TEX10: variants seen among roughly 807,000 people sequenced by gnomAD.
TEX10 encodes testis-expressed protein 10.
Under a neutral mutation model 104.4 loss-of-function variants are expected in TEX10, and 24 were observed. The observed-to-expected ratio is 0.23, with a 90% confidence interval of 0.17 to 0.32. The LOEUF (loss-of-function observed/expected upper bound fraction) is 0.32, where lower values mean the gene tolerates loss of function less well. Among genes scored for constraint, TEX10 ranks in the 10% least tolerant of loss-of-function variants. The probability of loss-of-function intolerance (pLI) is 1.00; values close to 1 mark genes in which losing one functional copy is unlikely to be tolerated. For missense variants in TEX10, 921 were observed against 1,083.9 expected (o/e 0.85, Z 2.11); for synonymous variants, 396 against 393.4 (o/e 1.01, Z -0.08).
intron 2 of TEX10, 149 bp downstream of exon 2, chr9:100,349,035 G>A (rs113404780): frequency 3.5e-4 from 188 of 534,830 alleles, no homozygotes; most frequent in African/African-American, 3.3e-3. Flanking sequence ...GAGATCTTTG[G>A]GTAAAAGATA....
rs377637179 is a variant in TEX10, at chr9:100,327,833, A to C, written c.1755T>G (p.Asn585Lys). ...DIIHTAAARA[N>K]KELLKSLQAT... ...CTTGTAAACTTTTTAGTAATTCTTT[A>C]TTTGCTCGTGCTGCAGCGGTATGAA... Residue 585 changes from asparagine (N) to lysine (K), a missense_variant, in exon 8 of 15, where the codon AAT becomes AAG. Around this residue, in one of 3 missense-constraint regions of TEX10, gnomAD observed 753 missense variants for 868.4 expected, o/e 0.87. Transcript: ENST00000374902. 2.5e-6 allele frequency: 4 copies of C among 1,598,028 alleles called. No homozygotes were observed. In the South Asian group the frequency reaches 4.5e-5, roughly 18 times the overall value.
rs1554734919 is a variant in TEX10 at position 100,316,910 on chromosome 9, A to AAAC, written c.2202+3354_2202+3355insGTT. Among the ~76,000 whole-genome samples the AAAC allele has an allele frequency of 9.2e-3, 1,342 of 145,972 alleles. 14 individuals carry two copies. Among genetic ancestry groups the AAAC allele is most frequent in the Admixed American group, 0.013 (197 of 14,618 alleles). On this transcript the variant is annotated intron_variant, in intron 11 of 14. Transcript: ENST00000374902. Reference sequence around the variant, plus strand: ...TATAATAGCTAAAAAAAAAAAAAAAAAAAAAACCTAGGAATATATTTAACC... The same window carrying AAAC: ...TATAATAGCTAAAAAAAAAAAAAAAAAACAAAAAACCTAGGAATATATTTAACC...
At chr9:100,349,478 T>A in intron 1 of TEX10, 106 bp from the exon 2 acceptor site, 5 of 674,876 alleles carry the variant, frequency 7.4e-6, no homozygotes, top group Non-Finnish European at 1.1e-5. Context: ...TCAATCGTAA[T>A]CAAGAATCTG....
chr9:100,315,155 G>A (rs1470589687), intron 11 of TEX10, among the ~76,000 whole-genome samples: 2 of 152,190 alleles, frequency 1.3e-5, no homozygotes, highest in East Asian at 3.9e-4. Flanking sequence ...AATTTGTTGG[G>A]ACTTGTTGTG....
intron 10 of TEX10, 51 bp from the exon 11 acceptor site, chr9:100,320,449 C>A (rs1834538698): frequency 6.5e-7 from 1 of 1,528,482 alleles, no homozygotes; most frequent in South Asian, 1.3e-5. Flanking sequence ...AAACAAAAAA[C>A]AATGACTTTC....
intron 11 of TEX10, among the ~76,000 whole-genome samples, chr9:100,319,129 T>C (rs1255135234): frequency 6.6e-6 from 1 of 151,142 alleles, no homozygotes; most frequent in African/African-American, 2.4e-5. Flanking sequence ...GAGACGGAGG[T>C]TGCAGTGAGC....
chr9:100,335,402 C>T (rs1369591957), intron 5 of TEX10, among the ~76,000 whole-genome samples: 3 of 152,048 alleles, frequency 2.0e-5, no homozygotes, highest in South Asian at 2.1e-4. Flanking sequence ...TGGGTTTCAC[C>T]GTGTTAGCCA....
rs187947365 is a variant in TEX10, at chr9:100,313,911, A to G, written c.2203-3532T>C. ...CCTTCTTTTCTCAGCGTGTCCCTGT[A>G]TGGTTTTGGTATCACGTGATACTGG... is the stretch of plus-strand genomic sequence containing the variant. On this transcript the variant is annotated intron_variant, in intron 11 of 14. Transcript: ENST00000374902. Among the ~76,000 whole-genome samples, 112 of 151,104 alleles carry G rather than the reference A, an allele frequency of 7.4e-4. No individual in the cohort carries two copies. The East Asian group carries it at 0.015, about 20-fold the overall frequency.
chr9:100,318,934 G>A (rs1349880504), intron 11 of TEX10, among the ~76,000 whole-genome samples: 1 of 152,186 alleles, frequency 6.6e-6, no homozygotes, highest in East Asian at 1.9e-4. Flanking sequence ...GCTCACACCT[G>A]TAATCTCAGC....
chr9:100,319,053 G>A (rs1365766796), intron 11 of TEX10, among the ~76,000 whole-genome samples: 1 of 151,952 alleles, frequency 6.6e-6, no homozygotes, highest in Non-Finnish European at 1.5e-5. Flanking sequence ...TTAGCCAGGA[G>A]TAGTGGCGGG....
chr9:100,330,982 A>G (rs1226889728), intron 5 of TEX10, among the ~76,000 whole-genome samples: 1 of 152,172 alleles, frequency 6.6e-6, no homozygotes, highest in Non-Finnish European at 1.5e-5. Context: ...AAAGCCAGGC[A>G]TGGGAGCTCA....
intron 13 of TEX10, 118 bp downstream of exon 13, chr9:100,308,382 C>T: frequency 3.7e-6 from 3 of 804,792 alleles, no homozygotes; most frequent in Middle Eastern, 4.2e-4. Context: ...CACAAACTCT[C>T]TGAAACAGAA....
chr9:100,313,135 G>A (rs1178894547), intron 11 of TEX10, among the ~76,000 whole-genome samples: 1 of 152,164 alleles, frequency 6.6e-6, no homozygotes, highest in Non-Finnish European at 1.5e-5. Context: ...TTAGCCAGGA[G>A]AGAATATTAC....
intron 9 of TEX10, among the ~76,000 whole-genome samples, chr9:100,324,258 C>A (rs1285348469): frequency 6.6e-6 from 1 of 152,076 alleles, no homozygotes; most frequent in East Asian, 1.9e-4. Context: ...GTCTCAAACT[C>A]CTGACCTCAA....
At chr9:100,329,104 AAG>A in intron 7 of TEX10, 34 bp downstream of exon 7, 1 of 1,559,582 alleles carries the variant, frequency 6.4e-7, no homozygotes, top group Non-Finnish European at 8.6e-7. Flanking sequence ...AAAACTCAGC[AAG>A]AGAAAAAAGA....
intron 9 of TEX10, among the ~76,000 whole-genome samples, chr9:100,322,666 A>C (rs1357324239): frequency 1.3e-5 from 2 of 151,998 alleles, no homozygotes; most frequent in African/African-American, 4.8e-5. Context: ...CCCAGGCTGG[A>C]GTGCAATGGC....
rs1835192670 is a variant in TEX10 at position 100,342,298 on chromosome 9, A to C, written c.1138-1929T>G. 4.6e-5 allele frequency among the ~76,000 whole-genome samples: 7 copies of C among 152,158 alleles called. No homozygotes were observed. The South Asian group carries it at 1.5e-3, about 32-fold the overall frequency. On this transcript the variant is annotated intron_variant, in intron 4 of 14. Transcript: ENST00000374902. ...GCTCTTTATACCCCATTTTACTTTC[A>C]TCTTTCTTCCTAGTACTGACATTAT...
At chr9:100,312,791 G>A (rs1022849620) in intron 11 of TEX10, among the ~76,000 whole-genome samples, 1 of 152,072 alleles carries the variant, frequency 6.6e-6, no homozygotes, top group Non-Finnish European at 1.5e-5. Context: ...AGAGATAAAA[G>A]CAAGCTGAAA....
intron 11 of TEX10, among the ~76,000 whole-genome samples, chr9:100,316,098 T>TAA (rs1834411679): frequency 6.6e-6 from 1 of 152,180 alleles, no homozygotes; most frequent in Admixed American, 6.5e-5. Flanking sequence ...ATTCTTTTAT[T>TAA]CCCTTATGAA....
Sources: allele counts gnomAD v4.1 joint callset (sites outside exome capture counted in the v4.1 genomes callset), GRCh38; gene constraint gnomAD v4.1.1; regional missense constraint gnomAD v4.1.1; transcripts MANE v1.5; gene names NCBI Gene and HGNC (gene_info 2026-07-23, HGNC 2026-07-21).